Variants in APBA2 observed in about 807,000 individuals in gnomAD.
APBA2 encodes the protein amyloid-beta A4 precursor protein-binding family A member 2.
APBA2 carries 30 observed loss-of-function variants against 75.0 expected under a neutral mutation model. The observed-to-expected ratio is 0.40, with a 90% CI of 0.30 to 0.54. The LOEUF is 0.54. Ranked by LOEUF, APBA2 falls within the 20% of genes least tolerant of loss-of-function variation. The probability of loss-of-function intolerance (pLI) is 0.49; values close to 1 mark genes in which losing one functional copy is unlikely to be tolerated. For synonymous variants in APBA2, 444 were observed against 409.6 expected, an observed-to-expected ratio of 1.08 and a Z score of -1.01; for missense variants, 801 against 1,016.1, an observed-to-expected ratio of 0.79 and a Z score of 2.88.
At chr15:28,998,573 G>A (rs1474551097) in intron 3 of APBA2, among the ~76,000 whole-genome samples, 2 of 152,130 alleles carry the variant, frequency 1.3e-5, no homozygotes. Flanking sequence ...GAGCACTAAG[G>A]GAGGAGGCCA....
chr15:28,901,675 G>A (rs2032862006), intron 1 of APBA2, among the ~76,000 whole-genome samples: 1 of 152,122 alleles, frequency 6.6e-6, no homozygotes. Context: ...CTGTGCCGTG[G>A]CCACACCCCT....
chr15:29,054,692 G>A lies in APBA2; in HGVS notation c.808G>A (p.Ala270Thr). Residue 270 changes from alanine to threonine, a missense_variant, in exon 4 of 15, where the codon GCC becomes ACC. This residue lies in a region of APBA2 where 434 missense variants were observed against 471.6 expected (regional missense o/e 0.92). Coordinates refer to ENST00000683413, the MANE Select transcript of APBA2 (RefSeq NM_001353788.2). This position sits in a 1 kb window ranked among gnomAD's most constrained non-coding sequence, Gnocchi z 6.1. ...TGTAGAGGCCTGCCCACCCATCAAG[G>A]CCAGCTGCAGCCCCAGCAGGCACGA... Reference protein sequence around the residue: ...DSVEACPPIKASCSPSRHEAR... With the variant: ...DSVEACPPIKTSCSPSRHEAR... The A allele has an allele frequency of 6.2e-7, 1 of 1,613,960 alleles. No individual in the cohort carries two copies. The highest frequency in any genetic ancestry group is 8.5e-7 in the Non-Finnish European group (1 of 1,180,006).
chr15:28,899,672 G>A lies in APBA2; in HGVS notation c.-205+13394G>A, dbSNP rs984576347. ...CACTGGGAGACCTTGGACTGGACAC[G>A]CGTGCAGGCCTGGTCATGGCATTCC... On this transcript the variant is annotated intron_variant, in intron 1 of 14. Transcript: ENST00000683413. 3.9e-5 allele frequency among the ~76,000 whole-genome samples: 6 copies of A among 152,322 alleles called. No homozygotes were observed. The East Asian group carries it at 5.8e-4, about 15-fold the overall frequency.
chr15:29,035,969 G>A (rs1248019175), intron 3 of APBA2, among the ~76,000 whole-genome samples: 1 of 152,166 alleles, frequency 6.6e-6, no homozygotes, highest in Non-Finnish European at 1.5e-5. Flanking sequence ...GGAAGCTTTG[G>A]CAACCTTCCT....
At chr15:28,965,612 T>C (rs1001828377) in intron 2 of APBA2, among the ~76,000 whole-genome samples, 14 of 152,212 alleles carry the variant, frequency 9.2e-5, no homozygotes, top group Non-Finnish European at 1.5e-5. Context: ...AGTATGTCTC[T>C]TCAGTATTTA....
chr15:29,114,810 G>A (rs2044977814), intron 14 of APBA2, among the ~76,000 whole-genome samples: 2 of 151,010 alleles, frequency 1.3e-5, no homozygotes, highest in Admixed American at 6.6e-5. Flanking sequence ...GTGGGTGAGT[G>A]TATGCGGATG....
rs553774359 is a variant in APBA2 at position 29,046,374 on chromosome 15, C to T, written c.-40-7471C>T. ...GAATTATCTGCTGTGCTCTGAATAG[C>T]CCCGTCCTGCCAGGCCACCCACCTT... On this transcript the variant is annotated intron_variant, in intron 3 of 14. Coordinates refer to ENST00000683413, the MANE Select transcript of APBA2 (RefSeq NM_001353788.2). The surrounding 1 kb of genome is among the most constrained non-coding windows in gnomAD (Gnocchi z 5.0). Among the ~76,000 whole-genome samples the T allele has an allele frequency of 3.3e-5, 5 of 152,314 alleles. No homozygotes were observed. The highest frequency in any genetic ancestry group is 1.2e-4 in the African/African-American group (5 of 41,572).
intron 3 of APBA2, among the ~76,000 whole-genome samples, chr15:29,053,310 C>T (rs1707354471): frequency 6.6e-6 from 1 of 152,002 alleles, no homozygotes; most frequent in South Asian, 2.1e-4. Flanking sequence ...GCATCCAGTT[C>T]CTCGGTGAAC....
intron 6 of APBA2, among the ~76,000 whole-genome samples, chr15:29,089,967 A>G (rs1285373747): frequency 1.3e-5 from 2 of 152,160 alleles, no homozygotes; most frequent in Non-Finnish European, 2.9e-5. Context: ...TTCATTTTCT[A>G]ACGAAGCTGT....
chr15:29,021,178 C>CA (rs2152830122), intron 3 of APBA2, among the ~76,000 whole-genome samples: 1 of 151,656 alleles, frequency 6.6e-6, no homozygotes, highest in South Asian at 2.1e-4. Context: ...TCTGACTGAC[C>CA]AAAAAATATG....
chr15:29,077,974 C>T (rs552929916), intron 6 of APBA2, among the ~76,000 whole-genome samples: 10 of 152,328 alleles, frequency 6.6e-5, no homozygotes, highest in Admixed American at 2.6e-4. Flanking sequence ...CCCCACCTAA[C>T]GTTACACAAA....
Position 29,054,716 on chromosome 15 carries a change from G to T in APBA2, c.832G>T (p.Glu278Ter). 1 of 1,613,492 alleles carries T rather than the reference G, an allele frequency of 6.2e-7. No individual in the cohort carries two copies. The highest frequency in any genetic ancestry group is 8.5e-7 in the Non-Finnish European group (1 of 1,179,992). Residue 278 changes from glutamate to a stop codon, truncating the protein, a stop_gained, in exon 4 of 15, where the codon GAG becomes TAG. Coordinates refer to ENST00000683413, the MANE Select transcript of APBA2 (RefSeq NM_001353788.2). LOFTEE classifies it high-confidence loss of function. The surrounding 1 kb of genome is among the most constrained non-coding windows in gnomAD (Gnocchi z 6.1). ...IKASCSPSRH[E>*]ARPKSLNLLP... ...GGCCAGCTGCAGCCCCAGCAGGCAC[G>T]AGGCGAGGCCCAAGTCGCTGAACCT...
At chr15:29,010,350 G>A (rs555093049) in intron 3 of APBA2, among the ~76,000 whole-genome samples, 4 of 151,964 alleles carry the variant, frequency 2.6e-5, no homozygotes, top group African/African-American at 7.3e-5. Context: ...GCTTCGCCTC[G>A]TGGGTTCACG....
intron 3 of APBA2, 91 bp from the exon 4 acceptor site, chr15:29,053,754 C>A (rs369217644): frequency 2.6e-6 from 2 of 754,748 alleles, no homozygotes; most frequent in South Asian, 1.8e-5. Context: ...TGCGGGAGGA[C>A]GTGGTGGGAG....
At chr15:29,053,459 T>A (rs1389993785) in intron 3 of APBA2, among the ~76,000 whole-genome samples, 1 of 152,176 alleles carries the variant, frequency 6.6e-6, no homozygotes, top group African/African-American at 2.4e-5. Context: ...CATTATGTCT[T>A]CTTAATGAAA....
At chr15:29,094,420 G>A in intron 8 of APBA2, 107 bp downstream of exon 8, 6 of 1,080,134 alleles carry the variant, frequency 5.6e-6, no homozygotes, top group Non-Finnish European at 8.6e-6. Flanking sequence ...AAATAATGTT[G>A]CAAAGCAGCT....
chr15:28,963,739 G>A (rs2036592303), intron 2 of APBA2, among the ~76,000 whole-genome samples: 1 of 152,184 alleles, frequency 6.6e-6, no homozygotes, highest in Non-Finnish European at 1.5e-5. Context: ...ACAGGAGGTT[G>A]CAAAGAAATA....
intron 3 of APBA2, among the ~76,000 whole-genome samples, chr15:29,049,421 C>T (rs75874413): frequency 0.011 from 1,683 of 152,246 alleles, 35 homozygotes; most frequent in African/African-American, 0.039. Flanking sequence ...AGGTTTGACC[C>T]CTCCCATGAA....
intron 14 of APBA2, among the ~76,000 whole-genome samples, chr15:29,114,446 TGAG>T (rs1223698128): frequency 6.6e-6 from 1 of 151,662 alleles, no homozygotes; most frequent in Non-Finnish European, 1.5e-5. Context: ...CACGGCAGTG[TGAG>T]GATGGTGTGG....
Sources: allele counts gnomAD v4.1 joint callset (sites outside exome capture counted in the v4.1 genomes callset), GRCh38; gene constraint gnomAD v4.1.1; regional missense constraint gnomAD v4.1.1; non-coding constraint Gnocchi (gnomAD v3.1); transcripts MANE v1.5; gene names NCBI Gene and HGNC (gene_info 2026-07-23, HGNC 2026-07-21).